Variants in MAP7 observed in about 807,000 individuals in gnomAD.
The protein encoded by MAP7 is ensconsin.
Under a neutral mutation model 94.8 loss-of-function variants are expected in MAP7, and 52 were observed. The observed-to-expected ratio is 0.55, with a 90% CI of 0.44 to 0.69. The LOEUF (loss-of-function observed/expected upper bound fraction) is 0.69, where lower values mean the gene tolerates loss of function less well. MAP7 is among the 30% of genes least tolerant of loss of function. The probability of loss-of-function intolerance (pLI) is 0.00; values close to 1 mark genes in which losing one functional copy is unlikely to be tolerated. For missense variants in MAP7, 940 were observed against 964.6 expected, an observed-to-expected ratio of 0.97 and a Z score of 0.34; for synonymous variants, 350 against 357.0, an observed-to-expected ratio of 0.98 and a Z score of 0.22.
intron 1 of MAP7, among the ~76,000 whole-genome samples, chr6:136,423,737 A>AC (rs2128779888): frequency 6.6e-6 from 1 of 151,348 alleles, no homozygotes; most frequent in African/African-American, 2.4e-5. Flanking sequence ...AAAAAAAAAA[A>AC]AACAAAACCT....
intron 1 of MAP7, among the ~76,000 whole-genome samples, chr6:136,509,711 C>T (rs1236714946): frequency 6.6e-6 from 1 of 152,068 alleles, no homozygotes; most frequent in East Asian, 1.9e-4. Context: ...ATACATGCAC[C>T]ACCATGCTGG....
chr6:136,368,546 T>C (rs149316528), intron 8 of MAP7, among the ~76,000 whole-genome samples: 93 of 152,360 alleles, frequency 6.1e-4, no homozygotes, highest in African/African-American at 2.2e-3. Flanking sequence ...ATGATGAAGA[T>C]GTTCTAAATT....
chr6:136,367,674 C>T (rs1794666468), intron 8 of MAP7, among the ~76,000 whole-genome samples: 1 of 152,166 alleles, frequency 6.6e-6, no homozygotes, highest in Non-Finnish European at 1.5e-5. Flanking sequence ...AGGTGTGTGC[C>T]AGCTCTGCAT....
intron 1 of MAP7, among the ~76,000 whole-genome samples, chr6:136,434,760 CAA>C (rs551588911): frequency 5.3e-4 from 81 of 152,186 alleles, no homozygotes; most frequent in African/African-American, 3.9e-4. Context: ...AACACCAAAA[CAA>C]AAGAGTGGTT....
chr6:136,493,973 G>T (rs1418006676), intron 1 of MAP7, among the ~76,000 whole-genome samples: 1 of 152,136 alleles, frequency 6.6e-6, no homozygotes, highest in Admixed American at 6.5e-5. Flanking sequence ...GACCTCTCAG[G>T]TTATAAGTAA....
At chr6:136,514,703 G>A (rs548430988) in intron 1 of MAP7, among the ~76,000 whole-genome samples, 6 of 151,730 alleles carry the variant, frequency 4.0e-5, no homozygotes, top group Non-Finnish European at 7.4e-5. Context: ...TTTTTTCTGA[G>A]CAGTGGGTCT....
chr6:136,349,020 G>A (rs932140038), intron 16 of MAP7, among the ~76,000 whole-genome samples: 1 of 152,162 alleles, frequency 6.6e-6, no homozygotes, highest in African/African-American at 2.4e-5. Context: ...GAACATCTCA[G>A]AATGACCTGA....
intron 1 of MAP7, among the ~76,000 whole-genome samples, chr6:136,508,198 G>A (rs1362293064): frequency 1.3e-5 from 2 of 152,094 alleles, no homozygotes; most frequent in Admixed American, 6.6e-5. Flanking sequence ...GGTGGCGCAT[G>A]CCTGTACTCT....
intron 1 of MAP7, among the ~76,000 whole-genome samples, chr6:136,474,619 C>G (rs1385074716): frequency 6.6e-6 from 1 of 152,114 alleles, no homozygotes; most frequent in Non-Finnish European, 1.5e-5. Flanking sequence ...AAGGTAAAAT[C>G]TGTGACAATG....
At chr6:136,398,551 T>A (rs564029242) in intron 3 of MAP7, among the ~76,000 whole-genome samples, 110 of 152,336 alleles carry the variant, frequency 7.2e-4, no homozygotes, top group African/African-American at 2.4e-3. Context: ...ATAATTTGAA[T>A]TGTGGGAGTA....
intron 16 of MAP7, among the ~76,000 whole-genome samples, chr6:136,350,886 CA>C (rs1788991011): frequency 6.6e-6 from 1 of 152,030 alleles, no homozygotes; most frequent in African/African-American, 2.4e-5. Flanking sequence ...AAAATAAAGA[CA>C]GGAATAAGCA....
rs570024649 is a variant in MAP7 at position 136,351,091 on chromosome 6, C to T, written c.2016-5012G>A. Among the ~76,000 whole-genome samples the T allele has an allele frequency of 3.3e-5, 5 of 152,062 alleles. No individual in the cohort carries two copies. In the South Asian group the frequency reaches 1.0e-3, roughly 32 times the overall value. ...ATCATGAAATGAGTGACAAGGCAGG[C>T]AGTCTGTAAAAGCAGTGGGTTTAGA... is the stretch of plus-strand genomic sequence containing the variant. On this transcript the variant is annotated intron_variant, in intron 16 of 17. Transcript: ENST00000354570.
intron 16 of MAP7, among the ~76,000 whole-genome samples, chr6:136,354,747 G>A (rs551631747): frequency 1.6e-4 from 25 of 152,110 alleles, no homozygotes; most frequent in Admixed American, 5.9e-4. Context: ...ATTACAAATT[G>A]TTGCTTTTCT....
intron 11 of MAP7, among the ~76,000 whole-genome samples, chr6:136,362,238 T>C (rs1384929291): frequency 6.6e-6 from 1 of 152,102 alleles, no homozygotes; most frequent in Non-Finnish European, 1.5e-5. Flanking sequence ...CTGGGCAATA[T>C]AGTGAGACCC....
Position 136,550,356 on chromosome 6 carries a change from A to C in MAP7, c.53T>G (p.Val18Gly). 1 of 1,527,910 alleles carries C rather than the reference A, an allele frequency of 6.5e-7. No individual in the cohort carries two copies. Among genetic ancestry groups the C allele is most frequent in the Non-Finnish European group, 8.7e-7 (1 of 1,145,862 alleles). The allele number at this position is 1,527,910 out of a possible 1,614,324, so 94.6% of individuals were successfully genotyped here. A position where few individuals can be genotyped will look rare whatever the true frequency, so the allele number is the denominator to read the frequency against. Reference protein sequence around the residue: ...GDGHRGGDGAVRSETAPDSYK... With the variant: ...GDGHRGGDGAGRSETAPDSYK... ...TGTGCGGTCACCTGTTTCGCTTCGCACTGCGCCGTCGCCGCCCCTGTGGCC... is the reference window on the plus strand; with the variant it reads ...TGTGCGGTCACCTGTTTCGCTTCGCCCTGCGCCGTCGCCGCCCCTGTGGCC... The change falls in exon 1 of 18, where the codon GTG becomes GGG. Residue 18 changes from valine to glycine, a missense_variant. Transcript: ENST00000354570. The surrounding 1 kb of genome is among the most constrained non-coding windows in gnomAD (Gnocchi z 5.1).
In MAP7 at chr6:136,533,043, C is replaced by T. The variant is rs145786536; in HGVS notation, c.67+17299G>A. On this transcript the variant is annotated intron_variant, in intron 1 of 17. Coordinates refer to ENST00000354570, the MANE Select transcript of MAP7 (RefSeq NM_003980.6). ...ATCCCAGCACTTTGGGAGGCCAAGG[C>T]GGGTGGATCACCTGAGGTCGGGAGT... 3.0e-3 allele frequency among the ~76,000 whole-genome samples: 451 copies of T among 152,274 alleles called. 10 individuals carry two copies. In the East Asian group the frequency reaches 0.035, roughly 12 times the overall value.
chr6:136,447,466 T>A (rs977014768), intron 1 of MAP7, among the ~76,000 whole-genome samples: 1 of 133,452 alleles, frequency 7.5e-6, no homozygotes, highest in Non-Finnish European at 1.6e-5. Context: ...TCTCAAACAT[T>A]CCTAATTTAT....
chr6:136,505,983 A>C (rs758755123), intron 1 of MAP7, among the ~76,000 whole-genome samples: 7 of 152,124 alleles, frequency 4.6e-5, no homozygotes, highest in Non-Finnish European at 1.0e-4. Flanking sequence ...ACAAAACCAA[A>C]GTGATTGGTA....
chr6:136,403,781 A>G (rs1225738714), intron 3 of MAP7, among the ~76,000 whole-genome samples: 1 of 152,200 alleles, frequency 6.6e-6, no homozygotes, highest in Admixed American at 6.5e-5. Context: ...TACCTAATCC[A>G]TGCAGCAAGC....
Sources: gnomAD v4.1 joint callset for allele counts (sites outside exome capture counted in the v4.1 genomes callset) on GRCh38, gnomAD v4.1.1 for gene constraint, Gnocchi (gnomAD v3.1) non-coding constraint, MANE v1.5 for transcripts, NCBI Gene and HGNC (gene_info 2026-07-23, HGNC 2026-07-21) for gene names.